Variants in STAU1 observed in about 807,000 individuals in gnomAD.
The protein encoded by STAU1 is double-stranded RNA-binding protein Staufen homolog 1.
A neutral mutation model predicts 62.9 loss-of-function variants in STAU1; 13 were observed. The observed-to-expected ratio is 0.21, with a 90% confidence interval of 0.13 to 0.33. STAU1 has a LOEUF of 0.33. Ranked by LOEUF, STAU1 falls within the 10% of genes least tolerant of loss-of-function variation. The pLI is 1.00. For synonymous variants in STAU1, 269 were observed against 265.1 expected (o/e 1.01, Z -0.14); for missense variants, 571 against 712.1 (o/e 0.80, Z 2.25).
intron 5 of STAU1, among the ~76,000 whole-genome samples, chr20:49,143,770 T>C (rs187114936): frequency 6.6e-6 from 1 of 152,316 alleles, no homozygotes; most frequent in East Asian, 1.9e-4. Context: ...ACAAAAGCCA[T>C]TTTATTAGAC....
intron 12 of STAU1, 75 bp from the exon 13 acceptor site, chr20:49,115,942 C>G: frequency 7.8e-7 from 1 of 1,276,320 alleles, no homozygotes; most frequent in South Asian, 1.2e-5. Flanking sequence ...GTCAGGCAGG[C>G]AAGAGAGTTC....
intron 6 of STAU1, among the ~76,000 whole-genome samples, chr20:49,125,210 A>AC (rs1555836518): frequency 1.4e-5 from 2 of 144,556 alleles, no homozygotes; most frequent in African/African-American, 5.1e-5. Context: ...AAAAAAAAAA[A>AC]AAAAAAAAAA....
At chr20:49,171,893 G>T (rs348273) in intron 2 of STAU1, among the ~76,000 whole-genome samples, 109,747 of 149,232 alleles carry the variant, frequency 0.74, 41,077 homozygotes, top group African/African-American at 0.88. Context: ...AAACGTTTTT[G>T]AAAAGAAATA....
At chr20:49,140,471 C>A (rs6012607) in intron 5 of STAU1, among the ~76,000 whole-genome samples, 1 of 152,054 alleles carries the variant, frequency 6.6e-6, no homozygotes, top group Non-Finnish European at 1.5e-5. Context: ...AACATTCACC[C>A]TTAAAAAAGA....
intron 3 of STAU1, among the ~76,000 whole-genome samples, chr20:49,162,345 T>C (rs1179768116): frequency 2.6e-5 from 4 of 152,260 alleles, no homozygotes; most frequent in African/African-American, 4.8e-5. Flanking sequence ...GAGTCTCACA[T>C]GGCAAATATG....
chr20:49,204,625 TGTATATATATATATATA>T, the STAU1 span, among the ~76,000 whole-genome samples: 22 of 38,912 alleles, frequency 5.7e-4, no homozygotes, highest in Middle Eastern at 0.02. Flanking sequence ...TATATATATG[TGTATATATATATATATA>T]TATATTTTTT....
rs562746184 is a variant in STAU1, at chr20:49,133,083, T to C, written c.609+2750A>G. ...ACATGCAAGCTGTGATAAATTACTT[T>C]AAAAGATCACCACGAGAGGGCACTC... On this transcript the variant is annotated intron_variant, in intron 6 of 13. Coordinates refer to ENST00000371856, the MANE Select transcript of STAU1 (RefSeq NM_017453.4). Among the ~76,000 whole-genome samples the C allele has an allele frequency of 2.6e-5, 4 of 152,286 alleles. No homozygotes were observed. In the East Asian group the frequency reaches 5.8e-4, roughly 22 times the overall value.
the STAU1 span, among the ~76,000 whole-genome samples, chr20:49,206,425 T>C: frequency 7.1e-6 from 1 of 140,478 alleles, no homozygotes; most frequent in Non-Finnish European, 1.5e-5. Context: ...TTTTTTTTTT[T>C]TTTTTTTTTT....
the STAU1 span, among the ~76,000 whole-genome samples, chr20:49,206,132 G>A: frequency 2.0e-5 from 3 of 148,194 alleles, no homozygotes; most frequent in Admixed American, 6.9e-5. Context: ...ACAGGCGCTC[G>A]CCACCACGCC....
At chr20:49,126,588 C>CAAAAAAAAAACAAAAAAAAAACA (rs1555837251) in intron 6 of STAU1, among the ~76,000 whole-genome samples, 7 of 56,378 alleles carry the variant, frequency 1.2e-4, no homozygotes, top group African/African-American at 4.4e-4. Context: ...AAAAAAAAAA[C>CAAAAAAAAAACAAAAAAAAAACA]AAAAAAAAAA....
chr20:49,117,168 G>A lies in STAU1; in HGVS notation c.1590C>T (p.Ile530=). Residue 530 remains isoleucine (I), a synonymous_variant, in exon 12 of 14, where the codon ATC becomes ATT. Transcript: ENST00000371856. This position sits in a 1 kb window ranked among gnomAD's most constrained non-coding sequence, Gnocchi z 4.6. ...LINCSSQPPL[I]SHGIGKDVES... ...CCACATCCTTGCCGATACCATGGCT[G>A]ATCAGAGGTGGCTGAGAGGAGCAAT... is the stretch of plus-strand genomic sequence containing the variant. 1 of 1,614,192 alleles carries A rather than the reference G, an allele frequency of 6.2e-7. No homozygotes were observed. Among genetic ancestry groups the A allele is most frequent in the South Asian group, 1.1e-5 (1 of 91,076 alleles).
intron 5 of STAU1, among the ~76,000 whole-genome samples, chr20:49,147,563 G>A: frequency 6.6e-6 from 1 of 152,208 alleles, no homozygotes. Flanking sequence ...TCTTTCTGTG[G>A]AGAACTTGGC....
intron 6 of STAU1, among the ~76,000 whole-genome samples, chr20:49,129,280 A>AATT (rs1491390171): frequency 1.1e-5 from 1 of 87,928 alleles, no homozygotes; most frequent in East Asian, 3.8e-4. Context: ...TTAAAAAAAA[A>AATT]TTTTTTTTTT....
intron 4 of STAU1, among the ~76,000 whole-genome samples, chr20:49,152,702 TTAA>T (rs1034465841): frequency 1.5e-4 from 23 of 152,166 alleles, no homozygotes; most frequent in African/African-American, 4.8e-4. Context: ...CAGGTTTCAA[TTAA>T]TATTTTATTG....
At chr20:49,214,432 C>T in the STAU1 span, among the ~76,000 whole-genome samples, 4 of 150,082 alleles carry the variant, frequency 2.7e-5, no homozygotes, top group South Asian at 2.1e-4. Context: ...GCAGGAGAAC[C>T]GCTTGAACCC....
chr20:49,151,595 G>C lies in STAU1; in HGVS notation c.497C>G (p.Pro166Arg). The stretch of plus-strand genomic sequence containing the variant: ...TCAACTCCTCACCTCCAGCCTCTCT[G>C]GCAGGGGCTCATTCTGCAGGATCCT... ...ALRILQNEPL[P>R]ERLEVNGRES... The change falls in exon 5 of 14, where the codon CCA becomes CGA. Residue 166 changes from proline to arginine, a missense_variant. Coordinates refer to ENST00000371856, the MANE Select transcript of STAU1 (RefSeq NM_017453.4). 1 of 1,607,600 alleles carries C rather than the reference G, an allele frequency of 6.2e-7. No individual in the cohort carries two copies. The highest frequency in any genetic ancestry group is 8.5e-7 in the Non-Finnish European group (1 of 1,177,464).
chr20:49,150,523 G>A (rs1012366020), intron 5 of STAU1, among the ~76,000 whole-genome samples: 1 of 151,936 alleles, frequency 6.6e-6, no homozygotes, highest in African/African-American at 2.4e-5. Flanking sequence ...CACCACGCCC[G>A]GCGAATTTTT....
chr20:49,178,210 A>C (rs572195567), intron 1 of STAU1, among the ~76,000 whole-genome samples: 6 of 152,220 alleles, frequency 3.9e-5, no homozygotes, highest in Admixed American at 3.3e-4. Context: ...TTCCATATGC[A>C]AATCTATTTT....
chr20:49,178,165 A>C (rs142652515), intron 1 of STAU1, among the ~76,000 whole-genome samples: 8 of 152,354 alleles, frequency 5.3e-5, no homozygotes, highest in Non-Finnish European at 7.3e-5. Flanking sequence ...CAATGAAGCA[A>C]GACTCCATCT....
Sources: allele counts gnomAD v4.1 joint callset (sites outside exome capture counted in the v4.1 genomes callset), GRCh38; gene constraint gnomAD v4.1.1; non-coding constraint Gnocchi (gnomAD v3.1); transcripts MANE v1.5; gene names NCBI Gene and HGNC (gene_info 2026-07-23, HGNC 2026-07-21).